The following PCDH15 variants were observed in gnomAD, a reference collection of about 807,000 sequenced individuals.
PCDH15 encodes the protein protocadherin related 15.
A neutral mutation model predicts 178.5 loss-of-function variants in PCDH15; 129 were observed. The ratio of observed to expected loss-of-function variants is 0.72; its 90% CI spans 0.63 to 0.84. PCDH15 has a LOEUF of 0.84. PCDH15 is among the 40% of genes least tolerant of loss of function. The probability of loss-of-function intolerance (pLI) is 0.00; values close to 1 mark genes in which losing one functional copy is unlikely to be tolerated. For missense variants in PCDH15, 2,230 were observed against 2,099.9 expected, an observed-to-expected ratio of 1.06 and a Z score of -1.21; for synonymous variants, 800 against 732.0, an observed-to-expected ratio of 1.09 and a Z score of -1.50.
chr10:54,663,104 T>A (rs906792214), intron 2 of PCDH15, among the ~76,000 whole-genome samples: 10 of 151,906 alleles, frequency 6.6e-5, no homozygotes, highest in Non-Finnish European at 8.8e-5. Flanking sequence ...CCAAAAGAAG[T>A]TTATCTCTCA....
intron 3 of PCDH15, among the ~76,000 whole-genome samples, chr10:54,392,289 A>AC (rs35060545): frequency 1 from 151,332 of 151,344 alleles, 75,660 homozygotes; most frequent in Middle Eastern, 1. Context: ...ACATGGCGAA[A>AC]CCCATCTGTA....
chr10:54,571,362 G>C (rs1040957004), intron 2 of PCDH15, among the ~76,000 whole-genome samples: 1 of 142,572 alleles, frequency 7.0e-6, no homozygotes. Context: ...AAAAAAAGCT[G>C]CAAAGAAATG....
At chr10:54,332,317 A>ATATATAATCTATATTATATATTATTAT (rs1218614303) in intron 6 of PCDH15, among the ~76,000 whole-genome samples, 1 of 63,890 alleles carries the variant, frequency 1.6e-5, no homozygotes, top group Non-Finnish European at 4.4e-5. Flanking sequence ...TATATAATAT[A>ATATATAATCTATATTATATATTATTAT]ATATAATCTA....
Position 54,675,888 on chromosome 10 carries a change from C to T in PCDH15, c.-28-11598G>A, listed in dbSNP as rs182198680. On this transcript the variant is annotated intron_variant, in intron 1 of 37. Coordinates refer to ENST00000644397, the MANE Select transcript of PCDH15 (RefSeq NM_001384140.1). ...TGAATGAATGAATTTTAAAAAGAAA[C>T]GTATCATTTTCACAAAATGTCCTGT... 5.3e-5 allele frequency among the ~76,000 whole-genome samples: 8 copies of T among 152,164 alleles called. No homozygotes were observed. The East Asian group carries it at 5.8e-4, about 11-fold the overall frequency.
intron 28 of PCDH15, among the ~76,000 whole-genome samples, chr10:53,841,132 A>C (rs2077614983): frequency 6.6e-6 from 1 of 152,226 alleles, no homozygotes; most frequent in Non-Finnish European, 1.5e-5. Flanking sequence ...AAGCAGAGAC[A>C]ATATTAATCA....
chr10:54,715,728 C>T (rs1776377246), intron 1 of PCDH15, among the ~76,000 whole-genome samples: 1 of 152,072 alleles, frequency 6.6e-6, no homozygotes, highest in Admixed American at 6.6e-5. Context: ...CACACTCAGA[C>T]ATACCTCCAG....
At chr10:55,407,212 A>C (rs1252370469) in intron 2 of PCDH15, among the ~76,000 whole-genome samples, 1 of 152,142 alleles carries the variant, frequency 6.6e-6, no homozygotes, top group Non-Finnish European at 1.5e-5. Context: ...TGGTCGAGGG[A>C]ATACCTCCTT....
rs751255567 is a variant in PCDH15, at chr10:54,183,464, G to T, written c.1570C>A (p.Pro524Thr). Residue 524 changes from proline to threonine, a missense_variant, in exon 13 of 38, where the codon CCT becomes ACT. Transcript: ENST00000644397. ...YDVYVYTDMRPGDSVIQLTAV... is the reference protein window; with the variant it reads ...YDVYVYTDMRTGDSVIQLTAV... ...GTTACCTGTATGACACTGTCCCCAG[G>T]TCTCATGTCTGTATAAACATACACA... 3 of 1,613,162 alleles carry T rather than the reference G, an allele frequency of 1.9e-6. No individual in the cohort carries two copies. The Admixed American group carries it at 5.0e-5, about 27-fold the overall frequency.
At chr10:55,434,352 G>A (rs998539240) in intron 2 of PCDH15, among the ~76,000 whole-genome samples, 3 of 151,210 alleles carry the variant, frequency 2.0e-5, no homozygotes, top group South Asian at 2.1e-4. Flanking sequence ...CACCACGCCC[G>A]GCCAATTCTC....
intron 2 of PCDH15, among the ~76,000 whole-genome samples, chr10:55,369,293 A>G (rs149274618): frequency 6.6e-6 from 1 of 152,076 alleles, no homozygotes; most frequent in Non-Finnish European, 1.5e-5. Context: ...TTTAAGGGTA[A>G]TTTCACCTCT....
chr10:55,517,633 C>T (rs1315759799), intron 2 of PCDH15, among the ~76,000 whole-genome samples: 1 of 152,088 alleles, frequency 6.6e-6, no homozygotes, highest in Non-Finnish European at 1.5e-5. Context: ...TGCGTTCCAG[C>T]AATTGCACTT....
intron 2 of PCDH15, among the ~76,000 whole-genome samples, chr10:55,365,443 A>G (rs564443688): frequency 2.6e-5 from 4 of 152,096 alleles, no homozygotes; most frequent in African/African-American, 9.7e-5. Flanking sequence ...TTCTGCAAAT[A>G]ACCTTGTGAG....
chr10:55,157,869 G>A (rs1591951141), intron 2 of PCDH15, among the ~76,000 whole-genome samples: 1 of 151,834 alleles, frequency 6.6e-6, no homozygotes, highest in East Asian at 1.9e-4. Flanking sequence ...ACGAGTAAAT[G>A]GGTGCAGCAC....
chr10:53,827,323 A>C, intron 32 of PCDH15, 70 bp downstream of exon 32: 1 of 1,512,066 alleles, frequency 6.6e-7, no homozygotes, highest in Non-Finnish European at 8.9e-7. Context: ...TCAGATTGAA[A>C]TTAAATACTC....
intron 1 of PCDH15, among the ~76,000 whole-genome samples, chr10:55,251,930 AAAC>A (rs200380239): frequency 3.9e-5 from 6 of 151,998 alleles, no homozygotes; most frequent in Admixed American, 6.6e-5. Flanking sequence ...TGTCAAAACA[AAAC>A]AACAACAACA....
chr10:54,577,109 A>G (rs539862808), intron 2 of PCDH15, among the ~76,000 whole-genome samples: 1 of 151,282 alleles, frequency 6.6e-6, no homozygotes, highest in Non-Finnish European at 1.5e-5. Context: ...TTTTTGAGAC[A>G]GTCTCACTCT....
Position 54,195,783 on chromosome 10 carries a change from C to G in PCDH15, c.1205G>C (p.Gly402Ala), listed in dbSNP as rs145017164. The stretch of plus-strand genomic sequence containing the variant: ...CACTGGGGCAGATTCCAGGATATAG[C>G]CTTGATAACTGGGCATTGTAAAATA... Reference protein sequence around the residue: ...SPYFTMPSYQGYILESAPVGA... With the variant: ...SPYFTMPSYQAYILESAPVGA... Residue 402 changes from glycine to alanine, a missense_variant, in exon 11 of 38, where the codon GGC (glycine) becomes GCC (alanine). Transcript: ENST00000644397. 3.8e-4 allele frequency: 610 copies of G among 1,613,958 alleles called. 2 individuals carry two copies. Among genetic ancestry groups the G allele is most frequent in the Middle Eastern group, 3.1e-3 (19 of 6,060 alleles).
At chr10:54,920,018 G>T (rs1244020881) in intron 2 of PCDH15, among the ~76,000 whole-genome samples, 1 of 152,092 alleles carries the variant, frequency 6.6e-6, no homozygotes, top group Non-Finnish European at 1.5e-5. Flanking sequence ...TAACAAGGGG[G>T]ACATGTATTT....
At chr10:55,511,660 T>C (rs994027102) in intron 2 of PCDH15, among the ~76,000 whole-genome samples, 3 of 152,078 alleles carry the variant, frequency 2.0e-5, no homozygotes, top group African/African-American at 7.2e-5. Context: ...CAGTCTGATG[T>C]ATTTCTCTCC....
Sources: gnomAD v4.1 joint callset for allele counts (sites outside exome capture counted in the v4.1 genomes callset) on GRCh38, gnomAD v4.1.1 for gene constraint, MANE v1.5 for transcripts, NCBI Gene and HGNC (gene_info 2026-07-23, HGNC 2026-07-21) for gene names.